Variants in BPIFB2 observed in about 807,000 individuals in gnomAD.
The protein encoded by BPIFB2 is BPI fold-containing family B member 2.
Under a neutral mutation model 50.1 loss-of-function variants are expected in BPIFB2, and 39 were observed. The ratio of observed to expected loss-of-function variants is 0.78; its 90% CI spans 0.60 to 1.02. BPIFB2 has a LOEUF of 1.02. BPIFB2 is among the 50% of genes least tolerant of loss of function. BPIFB2 has a pLI of 0.00. For missense variants in BPIFB2, 574 were observed against 585.8 expected (o/e 0.98, Z 0.21); for synonymous variants, 280 against 256.3 (o/e 1.09, Z -0.88).
rs949526567 is a variant in BPIFB2, at chr20:33,009,127, T to C, written c.109+444T>C. ...TGGGTGTACACGTTTGCGTATGTGG[T>C]GTGTGCACGCACGTGTGTTCTTGGG... is the stretch of plus-strand genomic sequence containing the variant. On this transcript the variant is annotated intron_variant, in intron 2 of 15. Transcript: ENST00000170150. The surrounding 1 kb of genome is among the most constrained non-coding windows in gnomAD (Gnocchi z 4.2). 3.9e-5 allele frequency among the ~76,000 whole-genome samples: 6 copies of C among 152,140 alleles called. No homozygotes were observed. Among genetic ancestry groups the C allele is most frequent in the Non-Finnish European group, 5.9e-5 (4 of 68,028 alleles).
intron 3 of BPIFB2, 30 bp from the exon 4 acceptor site, chr20:33,012,773 C>A (rs778362267): frequency 1.3e-6 from 2 of 1,548,474 alleles, no homozygotes; most frequent in Non-Finnish European, 1.8e-6. Context: ...TAATGGGGGC[C>A]ACTCTGTCAC....
rs986401133 is a variant in BPIFB2, at chr20:33,009,090, G to A, written c.109+407G>A. ...TGCCTGGATGTGTGTGCACAGGTACGGCTGTTCACCCTGGGTGTACACGTT... is the reference window on the plus strand; with the variant it reads ...TGCCTGGATGTGTGTGCACAGGTACAGCTGTTCACCCTGGGTGTACACGTT... On this transcript the variant is annotated intron_variant, in intron 2 of 15. Transcript: ENST00000170150. The surrounding 1 kb of genome is among the most constrained non-coding windows in gnomAD (Gnocchi z 4.2). Among the ~76,000 whole-genome samples, 8 of 152,202 alleles carry A rather than the reference G, an allele frequency of 5.3e-5. No homozygotes were observed. The highest frequency in any genetic ancestry group is 1.4e-4 in the African/African-American group (6 of 41,456).
chr20:33,010,597 C>T (rs1053897541), intron 2 of BPIFB2, among the ~76,000 whole-genome samples: 1 of 152,028 alleles, frequency 6.6e-6, no homozygotes, highest in African/African-American at 2.4e-5. Flanking sequence ...TGAGGCTGTC[C>T]CCTCCCCTCC....
At chr20:33,021,455 A>T in intron 14 of BPIFB2, 111 bp downstream of exon 14, 1 of 1,273,836 alleles carries the variant, frequency 7.9e-7, no homozygotes, top group Non-Finnish European at 1.1e-6. Flanking sequence ...ACAGGGTGAG[A>T]GGGGGCCTCT....
intron 15 of BPIFB2, among the ~76,000 whole-genome samples, chr20:33,022,118 G>C (rs530638636): frequency 6.6e-6 from 1 of 152,220 alleles, no homozygotes; most frequent in Non-Finnish European, 1.5e-5. Flanking sequence ...CCACTTTGTA[G>C]ACAAACTGTG....
chr20:33,012,012 CA>C (rs1990296016), intron 3 of BPIFB2, among the ~76,000 whole-genome samples: 1 of 152,012 alleles, frequency 6.6e-6, no homozygotes, highest in South Asian at 2.1e-4. Flanking sequence ...AACAAACAAA[CA>C]AACAAAAAAT....
intron 7 of BPIFB2, among the ~76,000 whole-genome samples, chr20:33,017,566 C>T (rs947444979): frequency 6.6e-5 from 10 of 152,210 alleles, no homozygotes; most frequent in African/African-American, 2.4e-4. Context: ...AGGAGTTGGG[C>T]TCTGAGCCAT....
In BPIFB2 at chr20:33,021,787, C is replaced by A. The variant is rs1390530945; in HGVS notation, c.1323C>A (p.Ile441=). The change falls in exon 15 of 16, where the codon ATC becomes ATA. Residue 441 remains isoleucine (I), a synonymous_variant. Coordinates refer to ENST00000170150, the MANE Select transcript of BPIFB2 (RefSeq NM_025227.3). ...ACCTCCACTATGTCGCCCCTGAGAT[C>A]TTTGTCTATGAGGTGAGAGCCTTTG... ...VVNLHYVAPE[I]FVYEGYVVIS... 6 of 1,613,884 alleles carry A rather than the reference C, an allele frequency of 3.7e-6. No homozygotes were observed. In the South Asian group the frequency reaches 5.5e-5, roughly 15 times the overall value.
At chr20:33,010,176 A>G (rs1990266301) in intron 2 of BPIFB2, among the ~76,000 whole-genome samples, 1 of 152,146 alleles carries the variant, frequency 6.6e-6, no homozygotes, top group Admixed American at 6.5e-5. Context: ...ACTCCTGCTT[A>G]ATTAGCACCT....
At chr20:33,021,473 A>G (rs894434205) in intron 14 of BPIFB2, 129 bp downstream of exon 14, 84 of 1,105,312 alleles carry the variant, frequency 7.6e-5, no homozygotes, top group Middle Eastern at 5.1e-4. Context: ...TCTGGAGTCT[A>G]GCAGCCCATG....
At chr20:33,023,144 C>T (rs1372747877) in intron 15 of BPIFB2, among the ~76,000 whole-genome samples, 198 bp from the exon 16 acceptor site, 30 of 152,182 alleles carry the variant, frequency 2.0e-4, no homozygotes, top group Admixed American at 1.9e-3. Context: ...ACTGCATCCT[C>T]ACAGTGACCT....
chr20:33,012,359 A>T (rs1004855133), intron 3 of BPIFB2, among the ~76,000 whole-genome samples: 2 of 152,216 alleles, frequency 1.3e-5, no homozygotes, highest in Middle Eastern at 3.2e-3. Flanking sequence ...TTTAGGAAAT[A>T]AAATAAATCA....
At chr20:33,013,748 C>G in intron 4 of BPIFB2, 62 bp from the exon 5 acceptor site, 1 of 1,560,566 alleles carries the variant, frequency 6.4e-7, no homozygotes, top group African/African-American at 1.4e-5. Flanking sequence ...TAAGATCTAT[C>G]ATCAGTCATG....
At chr20:33,007,971 TC>T (rs1285515287) in intron 1 of BPIFB2, among the ~76,000 whole-genome samples, 2 of 152,162 alleles carry the variant, frequency 1.3e-5, no homozygotes, top group African/African-American at 2.4e-5. Context: ...TCTCCCTGAG[TC>T]AGACACAGAT....
chr20:33,013,816 A>G lies in BPIFB2; in HGVS notation c.315A>G (p.Pro105=). 3.7e-6 allele frequency: 6 copies of G among 1,613,170 alleles called. No individual in the cohort carries two copies. Among genetic ancestry groups the G allele is most frequent in the Non-Finnish European group, 4.2e-6 (5 of 1,179,834 alleles). ...AGGACTGGCATCCCTACAGCGCCCC[A>G]GAGCCCCTGGAGCTGACGCTGCCTG... is the stretch of plus-strand genomic sequence containing the variant. ...ANFTFKVFRA[P]EPLELTLPVE... The change falls in exon 5 of 16, where the codon CCA becomes CCG. Residue 105 remains proline (P), a synonymous_variant. Transcript: ENST00000170150.
chr20:33,008,263 T>C (rs1476406827), intron 1 of BPIFB2, among the ~76,000 whole-genome samples: 2 of 152,148 alleles, frequency 1.3e-5, no homozygotes, highest in Non-Finnish European at 2.9e-5. Context: ...GCTTGGGTCC[T>C]GCACCTGGTC....
At chr20:33,010,590 G>A (rs928957014) in intron 2 of BPIFB2, among the ~76,000 whole-genome samples, 14 of 152,106 alleles carry the variant, frequency 9.2e-5, no homozygotes, top group Non-Finnish European at 2.1e-4. Context: ...CCCCAGGTGA[G>A]GCTGTCCCCT....
Position 33,018,793 on chromosome 20 carries a change from G to A in BPIFB2, c.826G>A (p.Ala276Thr). ...GCTCCTGCTGCTGCAGAAGGCCGGT[G>A]CCCTCAACCTGGACATCACAGGGCA... ...SALLLLQKAG[A>T]LNLDITGQLR... Residue 276 changes from alanine (A) to threonine (T), a missense_variant, in exon 9 of 16, where the codon GCC (alanine) becomes ACC (threonine). By Grantham distance (58) the Ala-to-Thr change is moderately conservative. Coordinates refer to ENST00000170150, the MANE Select transcript of BPIFB2 (RefSeq NM_025227.3). 2 of 1,613,430 alleles carry A rather than the reference G, an allele frequency of 1.2e-6. No homozygotes were observed. Among genetic ancestry groups the A allele is most frequent in the Middle Eastern group, 1.7e-4 (1 of 5,982 alleles).
At position 33,020,401 on chromosome 20, in the gene BPIFB2, C is replaced by T. The variant is rs376087614; in HGVS notation, c.1148+6C>T. ...GGGACCACGTCTGTGCTGGGGTAAA[C>T]GAGCCCACCTGGACCCAGCAGCCTC... On this transcript the variant is annotated splice_donor_region_variant and intron_variant, in intron 12 of 15. Coordinates refer to ENST00000170150, the MANE Select transcript of BPIFB2 (RefSeq NM_025227.3). 7.1e-5 allele frequency: 115 copies of T among 1,613,892 alleles called. No homozygotes were observed. Among genetic ancestry groups the T allele is most frequent in the Admixed American group, 2.3e-4 (14 of 60,002 alleles).
Sources: gnomAD v4.1 joint callset for allele counts (sites outside exome capture counted in the v4.1 genomes callset) on GRCh38, gnomAD v4.1.1 for gene constraint, Gnocchi (gnomAD v3.1) non-coding constraint, MANE v1.5 for transcripts, NCBI Gene and HGNC (gene_info 2026-07-23, HGNC 2026-07-21) for gene names.